NCAM2: variants seen among roughly 807,000 people sequenced by gnomAD.
NCAM2 encodes the protein N-CAM-2.
A neutral mutation model predicts 98.1 loss-of-function variants in NCAM2; 30 were observed. The ratio of observed to expected loss-of-function variants is 0.31; its 90% confidence interval spans 0.23 to 0.41. NCAM2 has a LOEUF of 0.41. NCAM2 is among the 10% of genes least tolerant of loss of function. NCAM2 has a pLI of 1.00. For missense variants in NCAM2, 867 were observed against 1,005.8 expected (o/e 0.86, Z 1.87); for synonymous variants, 368 against 342.4 (o/e 1.07, Z -0.83).
chr21:21,508,149 C>T (rs1244896919), intron 15 of NCAM2, among the ~76,000 whole-genome samples: 2 of 152,138 alleles, frequency 1.3e-5, no homozygotes, highest in Non-Finnish European at 2.9e-5. Flanking sequence ...AGAAAAGTGG[C>T]TTCCACCTTC....
At chr21:21,436,946 G>A (rs564326590) in intron 12 of NCAM2, among the ~76,000 whole-genome samples, 3 of 149,756 alleles carry the variant, frequency 2.0e-5, no homozygotes, top group African/African-American at 7.4e-5. Context: ...TTTTATTTTT[G>A]TATTTTTTAG....
At chr21:21,034,417 C>A (rs530526580) in intron 1 of NCAM2, among the ~76,000 whole-genome samples, 25 of 152,180 alleles carry the variant, frequency 1.6e-4, no homozygotes, top group Admixed American at 3.3e-4. Flanking sequence ...CTGGGTTGCA[C>A]TTTGAATCAG....
At chr21:21,286,518 A>T in intron 4 of NCAM2, 106 bp downstream of exon 4, 1 of 1,205,356 alleles carries the variant, frequency 8.3e-7, no homozygotes, top group Non-Finnish European at 1.2e-6. Context: ...TTTGACCCCA[A>T]ATATTCAACA....
At chr21:21,517,786 G>A (rs1447398205) in intron 16 of NCAM2, among the ~76,000 whole-genome samples, 10 of 152,054 alleles carry the variant, frequency 6.6e-5, no homozygotes, top group Admixed American at 5.9e-4. Context: ...TGAACCTGGG[G>A]AACGAAGATG....
At chr21:21,120,349 T>TA (rs1045609899) in intron 1 of NCAM2, among the ~76,000 whole-genome samples, 19 of 151,438 alleles carry the variant, frequency 1.3e-4, no homozygotes, top group Admixed American at 6.6e-4. Flanking sequence ...TATCATGACT[T>TA]AAAAAACAAA....
At chr21:21,082,373 T>A (rs1319152240) in intron 1 of NCAM2, among the ~76,000 whole-genome samples, 1 of 148,936 alleles carries the variant, frequency 6.7e-6, no homozygotes, top group Non-Finnish European at 1.5e-5. Flanking sequence ...AATTTCTAAT[T>A]AAAAAAAAAA....
At chr21:21,064,786 T>C (rs1011204685) in intron 1 of NCAM2, among the ~76,000 whole-genome samples, 3 of 152,240 alleles carry the variant, frequency 2.0e-5, no homozygotes, top group Non-Finnish European at 2.9e-5. Flanking sequence ...GGACTGCTAC[T>C]ATATTTTTCA....
intron 1 of NCAM2, chr21:21,210,545 A>G: frequency 7.8e-7 from 1 of 1,287,910 alleles, no homozygotes. Context: ...TTTCAGAGTT[A>G]TTTGAAGAGT....
At chr21:21,072,128 G>A (rs898432052) in intron 1 of NCAM2, among the ~76,000 whole-genome samples, 12 of 152,084 alleles carry the variant, frequency 7.9e-5, no homozygotes, top group Middle Eastern at 3.2e-3. Flanking sequence ...TAGCCAGGAT[G>A]GTCTCGATCT....
chr21:21,231,775 A>AT (rs1288298474), intron 1 of NCAM2, among the ~76,000 whole-genome samples: 1 of 151,372 alleles, frequency 6.6e-6, no homozygotes, highest in Non-Finnish European at 1.5e-5. Context: ...TTAATGTGTC[A>AT]TTTTCTCATC....
intron 4 of NCAM2, among the ~76,000 whole-genome samples, chr21:21,288,055 G>A (rs1212271582): frequency 1.3e-5 from 2 of 151,492 alleles, no homozygotes; most frequent in Non-Finnish European, 1.5e-5. Flanking sequence ...AAAAAGCATA[G>A]TATTTGGTAT....
chr21:21,505,931 C>T (rs1348049600), intron 15 of NCAM2, among the ~76,000 whole-genome samples: 1 of 151,672 alleles, frequency 6.6e-6, no homozygotes, highest in Non-Finnish European at 1.5e-5. Context: ...AATAAAGAGG[C>T]ACTTCAGTCT....
chr21:21,531,433 G>A (rs951261459), intron 16 of NCAM2, among the ~76,000 whole-genome samples: 1 of 151,510 alleles, frequency 6.6e-6, no homozygotes, highest in Admixed American at 6.6e-5. Context: ...TAACCTACAG[G>A]AATTAGTTTG....
chr21:21,353,969 G>A (rs899650528), intron 8 of NCAM2, among the ~76,000 whole-genome samples: 2 of 152,072 alleles, frequency 1.3e-5, no homozygotes, highest in Non-Finnish European at 2.9e-5. Flanking sequence ...AAAATGCTAT[G>A]TTACTTGTCA....
intron 1 of NCAM2, among the ~76,000 whole-genome samples, chr21:21,242,618 C>T (rs1030419467): frequency 6.6e-6 from 1 of 152,146 alleles, no homozygotes; most frequent in Non-Finnish European, 1.5e-5. Context: ...GGCTTATTAG[C>T]ATTATGGCCT....
chr21:21,390,002 A>G (rs1462827523), intron 9 of NCAM2, among the ~76,000 whole-genome samples: 1 of 152,122 alleles, frequency 6.6e-6, no homozygotes, highest in Non-Finnish European at 1.5e-5. Context: ...GTCACGTGCC[A>G]CCATGCCCAG....
intron 1 of NCAM2, among the ~76,000 whole-genome samples, chr21:21,077,447 A>G (rs1487388146): frequency 6.6e-6 from 1 of 152,202 alleles, no homozygotes; most frequent in African/African-American, 2.4e-5. Context: ...AATAAAAACA[A>G]TAGACCTCTG....
intron 1 of NCAM2, among the ~76,000 whole-genome samples, chr21:21,104,563 A>G (rs2066307285): frequency 6.6e-6 from 1 of 152,168 alleles, no homozygotes. Flanking sequence ...ACAGTTAGTC[A>G]GTAAACAGAA....
intron 1 of NCAM2, among the ~76,000 whole-genome samples, chr21:21,242,892 A>G (rs1192802910): frequency 6.6e-6 from 1 of 152,150 alleles, no homozygotes; most frequent in African/African-American, 2.4e-5. Context: ...GGAAAGAGGT[A>G]TATGGGAAAT....
Sources: gnomAD v4.1 joint callset for allele counts (sites outside exome capture counted in the v4.1 genomes callset) on GRCh38, gnomAD v4.1.1 for gene constraint, MANE v1.5 for transcripts, NCBI Gene and HGNC (gene_info 2026-07-23, HGNC 2026-07-21) for gene names.